CNTN5: variants seen among roughly 807,000 people sequenced by gnomAD.
CNTN5 encodes the protein contactin 5.
A neutral mutation model predicts 129.1 loss-of-function variants in CNTN5; 77 were observed. The observed-to-expected ratio is 0.60, with a 90% CI of 0.50 to 0.72. CNTN5 has a LOEUF of 0.72. Among genes scored for constraint, CNTN5 ranks in the 30% least tolerant of loss-of-function variants. The pLI is 0.00. For synonymous variants in CNTN5, 509 were observed against 465.6 expected, an observed-to-expected ratio of 1.09 and a Z score of -1.20; for missense variants, 1,478 against 1,328.8, an observed-to-expected ratio of 1.11 and a Z score of -1.75.
intron 2 of CNTN5, among the ~76,000 whole-genome samples, chr11:99,408,479 A>AAAGAAAGG (rs1942230620): frequency 1.4e-5 from 2 of 145,594 alleles, no homozygotes. Flanking sequence ...AGAAAGAAAG[A>AAAGAAAGG]AAGAAAGAAA....
chr11:99,774,147 C>G (rs1945039121), intron 3 of CNTN5, among the ~76,000 whole-genome samples: 1 of 151,996 alleles, frequency 6.6e-6, no homozygotes, highest in Non-Finnish European at 1.5e-5. Context: ...CGAACCACCC[C>G]TATAACATTA....
At chr11:99,868,907 G>T (rs999998573) in intron 6 of CNTN5, among the ~76,000 whole-genome samples, 1 of 152,084 alleles carries the variant, frequency 6.6e-6, no homozygotes, top group Non-Finnish European at 1.5e-5. Flanking sequence ...GCAGTGGGAA[G>T]AATGGGAAAG....
At chr11:99,564,032 A>G (rs890446515) in intron 3 of CNTN5, among the ~76,000 whole-genome samples, 5 of 152,182 alleles carry the variant, frequency 3.3e-5, no homozygotes, top group African/African-American at 9.6e-5. Flanking sequence ...ACATATTTAT[A>G]TATGTCTGTG....
chr11:100,291,230 C>T (rs902024807), intron 18 of CNTN5, among the ~76,000 whole-genome samples: 33 of 151,004 alleles, frequency 2.2e-4, no homozygotes, highest in Non-Finnish European at 3.3e-4. Context: ...ACTAGAAATA[C>T]CATTTGACCC....
At chr11:99,227,942 A>G (rs1345209821) in intron 1 of CNTN5, among the ~76,000 whole-genome samples, 4 of 152,188 alleles carry the variant, frequency 2.6e-5, no homozygotes, top group African/African-American at 7.2e-5. Flanking sequence ...TTATCTCAGT[A>G]TACAAAGTGG....
chr11:99,775,181 G>C (rs539229088), intron 3 of CNTN5, among the ~76,000 whole-genome samples: 1 of 152,060 alleles, frequency 6.6e-6, no homozygotes. Flanking sequence ...ATTTACCTTT[G>C]AGTGATAATA....
At chr11:99,579,494 C>T (rs1415971232) in intron 3 of CNTN5, among the ~76,000 whole-genome samples, 2 of 149,866 alleles carry the variant, frequency 1.3e-5, no homozygotes, top group Non-Finnish European at 3.0e-5. Context: ...TTTGTATCCT[C>T]TTTTATTTCA....
At chr11:99,405,339 A>G (rs1362834080) in intron 2 of CNTN5, among the ~76,000 whole-genome samples, 1 of 151,868 alleles carries the variant, frequency 6.6e-6, no homozygotes, top group Non-Finnish European at 1.5e-5. Context: ...AGTAACTCTT[A>G]GGTTTGCCTT....
Position 99,787,795 on chromosome 11 carries a change from A to G in CNTN5, c.56-31749A>G, listed in dbSNP as rs1472536940. ...CATATAATTAAGCCATTAATACACA[A>G]CTTAAAATCTCTCGTGACCTCATTC... On this transcript the variant is annotated intron_variant, in intron 3 of 24. Transcript: ENST00000524871. Among the ~76,000 whole-genome samples the G allele has an allele frequency of 3.9e-5, 6 of 151,990 alleles. 1 individual carries two copies. The South Asian group carries it at 1.2e-3, about 31-fold the overall frequency.
Position 100,326,882 on chromosome 11 carries a change from C to T in CNTN5, c.2731-13581C>T, listed in dbSNP as rs760166941. Among the ~76,000 whole-genome samples the T allele has an allele frequency of 2.6e-5, 4 of 152,150 alleles. No homozygotes were observed. In the East Asian group the frequency reaches 7.7e-4, roughly 29 times the overall value. ...GAACTGTGAAAAGAGCTTTCAGTCACTGGGCACCAAAAGCTCAAAAACTCT... is the reference window on the plus strand; with the variant it reads ...GAACTGTGAAAAGAGCTTTCAGTCATTGGGCACCAAAAGCTCAAAAACTCT... On this transcript the variant is annotated intron_variant, in intron 21 of 24. Transcript: ENST00000524871.
chr11:100,332,845 T>TG (rs1434159870), intron 21 of CNTN5, among the ~76,000 whole-genome samples: 1 of 151,982 alleles, frequency 6.6e-6, no homozygotes, highest in Non-Finnish European at 1.5e-5. Flanking sequence ...ATATTATAAA[T>TG]GGGGAAAACT....
chr11:99,893,923 CAA>C (rs1491376263), intron 6 of CNTN5, among the ~76,000 whole-genome samples: 111 of 151,966 alleles, frequency 7.3e-4, no homozygotes, highest in Non-Finnish European at 1.4e-3. Context: ...GGCTAAGGAT[CAA>C]GAGAGAGAGT....
chr11:99,785,449 G>T (rs1449971202), intron 3 of CNTN5, among the ~76,000 whole-genome samples: 4 of 151,982 alleles, frequency 2.6e-5, no homozygotes, highest in African/African-American at 7.3e-5. Flanking sequence ...CATTGCTTTT[G>T]GTGTTTTAGG....
intron 8 of CNTN5, among the ~76,000 whole-genome samples, chr11:99,958,579 T>C (rs904138174): frequency 2.6e-5 from 4 of 152,182 alleles, no homozygotes; most frequent in Non-Finnish European, 1.5e-5. Context: ...AAAGTCATCA[T>C]TGTGTATTAC....
chr11:99,148,297 TCTC>T (rs1859883991), intron 1 of CNTN5, among the ~76,000 whole-genome samples: 1 of 152,120 alleles, frequency 6.6e-6, no homozygotes, highest in African/African-American at 2.4e-5. Context: ...GCAACTGCTT[TCTC>T]CTCAGTTTTT....
intron 24 of CNTN5, among the ~76,000 whole-genome samples, chr11:100,355,119 A>G (rs1213353298): frequency 1.3e-5 from 2 of 151,804 alleles, no homozygotes; most frequent in Admixed American, 1.3e-4. Context: ...CTTTTGTAAT[A>G]ACACTTAAAA....
chr11:99,540,357 T>A (rs1272172898), intron 2 of CNTN5, among the ~76,000 whole-genome samples: 1 of 152,230 alleles, frequency 6.6e-6, no homozygotes, highest in Non-Finnish European at 1.5e-5. Flanking sequence ...ATAAATTAAA[T>A]GTGATCATTT....
intron 8 of CNTN5, among the ~76,000 whole-genome samples, chr11:99,992,011 AAACG>A (rs1461561046): frequency 6.6e-6 from 1 of 152,212 alleles, no homozygotes; most frequent in African/African-American, 2.4e-5. Flanking sequence ...AACATGTCTC[AAACG>A]AAGCAATGAA....
intron 9 of CNTN5, among the ~76,000 whole-genome samples, chr11:100,040,173 G>A (rs576276088): frequency 4.3e-4 from 66 of 152,176 alleles, no homozygotes; most frequent in Middle Eastern, 3.4e-3. Flanking sequence ...CTGTTTGTTA[G>A]TTTTCCTTCT....
Sources: allele counts gnomAD v4.1 joint callset (sites outside exome capture counted in the v4.1 genomes callset), GRCh38; gene constraint gnomAD v4.1.1; transcripts MANE v1.5; gene names NCBI Gene and HGNC (gene_info 2026-07-23, HGNC 2026-07-21).